NALCN: variants seen among roughly 807,000 people sequenced by gnomAD.
NALCN encodes the protein sodium leak channel NALCN.
Under a neutral mutation model 225.3 loss-of-function variants are expected in NALCN, and 111 were observed. The observed-to-expected ratio is 0.49, with a 90% confidence interval of 0.42 to 0.58. The LOEUF is 0.58. NALCN is among the 20% of genes least tolerant of loss of function. The probability of loss-of-function intolerance (pLI) is 0.00; values close to 1 mark genes in which losing one functional copy is unlikely to be tolerated. For missense variants in NALCN, 1,378 were observed against 2,202.4 expected, an observed-to-expected ratio of 0.63 and a Z score of 7.49; for synonymous variants, 764 against 769.0, an observed-to-expected ratio of 0.99 and a Z score of 0.11.
chr13:101,085,566 A>G (rs180760008), intron 30 of NALCN, among the ~76,000 whole-genome samples: 5 of 152,292 alleles, frequency 3.3e-5, no homozygotes, highest in Admixed American at 3.3e-4. Context: ...TTCCCAACAC[A>G]AAACAGTGAT....
rs759523803 is a variant in NALCN at position 101,360,189 on chromosome 13, C to CCTCTCTCTCTCTCTCT, written c.645-14785_645-14770dup. On this transcript the variant is annotated intron_variant, in intron 6 of 43. Coordinates refer to ENST00000251127, the MANE Select transcript of NALCN (RefSeq NM_052867.4). ...CTCTTTCTTCCTCTCTTCCTCTCTT[C>CCTCTCTCTCTCTCTCT]CTCTCTCTCTCTCTCTCTCTCTCTC... is the stretch of plus-strand genomic sequence containing the variant. Among the ~76,000 whole-genome samples, 57 of 89,310 alleles carry CCTCTCTCTCTCTCTCT rather than the reference C, an allele frequency of 6.4e-4. 4 individuals carry two copies. Among genetic ancestry groups the CCTCTCTCTCTCTCTCT allele is most frequent in the Non-Finnish European group, 1.1e-3 (46 of 43,470 alleles). The allele number at this position is 89,310 out of a possible 152,430, so 58.6% of individuals were successfully genotyped here.
intron 18 of NALCN, 115 bp downstream of exon 18, chr13:101,124,493 C>T (rs2036135125): frequency 1.1e-6 from 1 of 884,544 alleles, no homozygotes; most frequent in Admixed American, 2.5e-5. Context: ...AAGCTACTTT[C>T]TGGCAGAAAG....
intron 13 of NALCN, among the ~76,000 whole-genome samples, chr13:101,207,342 G>A (rs191424612): frequency 6.6e-6 from 1 of 152,182 alleles, no homozygotes; most frequent in East Asian, 1.9e-4. Context: ...AGTTAAGGTT[G>A]TATTTCATAT....
chr13:101,060,537 C>T (rs1284590448), intron 41 of NALCN, among the ~76,000 whole-genome samples: 2 of 150,374 alleles, frequency 1.3e-5, no homozygotes, highest in South Asian at 2.1e-4. Flanking sequence ...GCGATCCTCC[C>T]GCCTCAGTTT....
chr13:101,287,818 G>A (rs1184456334), intron 9 of NALCN, among the ~76,000 whole-genome samples: 1 of 152,148 alleles, frequency 6.6e-6, no homozygotes, highest in African/African-American at 2.4e-5. Flanking sequence ...TTCTGGGATT[G>A]TTCCATTATA....
intron 6 of NALCN, among the ~76,000 whole-genome samples, chr13:101,362,786 G>C (rs928004053): frequency 2.0e-5 from 3 of 151,988 alleles, no homozygotes; most frequent in African/African-American, 7.2e-5. Flanking sequence ...AATTGGGAAG[G>C]AAGAAATAAA....
chr13:101,358,556 C>T (rs1364061455), intron 6 of NALCN, among the ~76,000 whole-genome samples: 1 of 151,948 alleles, frequency 6.6e-6, no homozygotes, highest in East Asian at 1.9e-4. Flanking sequence ...TAAATGCTGG[C>T]GAGGATGTGG....
chr13:101,181,228 G>A (rs1225732498), intron 14 of NALCN: 1 of 518,936 alleles, frequency 1.9e-6, no homozygotes, highest in South Asian at 1.4e-5. Flanking sequence ...GGCCTGGTGA[G>A]TAAGTCTGGC....
chr13:101,069,556 G>A (rs1016934249), intron 37 of NALCN, among the ~76,000 whole-genome samples: 2 of 152,176 alleles, frequency 1.3e-5, no homozygotes, highest in African/African-American at 4.8e-5. Context: ...GGTGGCTGTG[G>A]CGATTTCTTA....
chr13:101,147,011 T>C (rs979025682), intron 15 of NALCN, among the ~76,000 whole-genome samples: 1 of 151,958 alleles, frequency 6.6e-6, no homozygotes, highest in African/African-American at 2.4e-5. Flanking sequence ...GTCAGAAGAG[T>C]TGACTTGGGG....
chr13:101,322,752 G>A (rs556282222), intron 7 of NALCN, among the ~76,000 whole-genome samples: 69 of 151,732 alleles, frequency 4.5e-4, no homozygotes, highest in African/African-American at 1.5e-3. Context: ...TCACTCTGTC[G>A]CCCAGGTTGA....
intron 37 of NALCN, among the ~76,000 whole-genome samples, chr13:101,072,544 T>C (rs1182923341): frequency 6.6e-6 from 1 of 152,342 alleles, no homozygotes; most frequent in African/African-American, 2.4e-5. Context: ...ATTCTGCTTG[T>C]ATTTTTATTT....
chr13:101,199,533 G>A (rs911057499), intron 13 of NALCN, among the ~76,000 whole-genome samples: 3 of 150,862 alleles, frequency 2.0e-5, no homozygotes, highest in African/African-American at 7.3e-5. Context: ...ATCATTCTCA[G>A]CAAACTATCG....
At chr13:101,162,309 C>A (rs1481607155) in intron 15 of NALCN, among the ~76,000 whole-genome samples, 1 of 152,194 alleles carries the variant, frequency 6.6e-6, no homozygotes, top group African/African-American at 2.4e-5. Context: ...TATTATTGTA[C>A]CTGGCCTAGC....
intron 39 of NALCN, 51 bp from the exon 40 acceptor site, chr13:101,065,612 C>A: frequency 6.4e-7 from 1 of 1,567,146 alleles, no homozygotes; most frequent in Non-Finnish European, 8.6e-7. Context: ...CGATGATTCA[C>A]TTGGGTTTCT....
intron 13 of NALCN, among the ~76,000 whole-genome samples, chr13:101,223,942 G>A (rs1241973328): frequency 6.6e-6 from 1 of 151,916 alleles, no homozygotes; most frequent in Admixed American, 6.6e-5. Flanking sequence ...CCTTCCTACA[G>A]CCAGGAGACT....
intron 13 of NALCN, among the ~76,000 whole-genome samples, chr13:101,226,990 C>T (rs966165484): frequency 2.6e-5 from 4 of 152,132 alleles, no homozygotes; most frequent in African/African-American, 7.2e-5. Flanking sequence ...GGAAAAGAGC[C>T]CTCCCTCCCC....
rs550537541 is a variant in NALCN, at chr13:101,311,873, A to C, written c.800-19507T>G. On this transcript the variant is annotated intron_variant, in intron 7 of 43. Coordinates refer to ENST00000251127, the MANE Select transcript of NALCN (RefSeq NM_052867.4). Reference sequence around the variant, plus strand: ...TTGGTATCAGGATGATGCTGGCCTCATAAAATGAGTTAGGGAGGATTCCCT... The same window carrying C: ...TTGGTATCAGGATGATGCTGGCCTCCTAAAATGAGTTAGGGAGGATTCCCT... Among the ~76,000 whole-genome samples, 1,322 of 152,228 alleles carry C rather than the reference A, an allele frequency of 8.7e-3. 9 individuals are homozygous for C. Among genetic ancestry groups the C allele is most frequent in the Non-Finnish European group, 0.013 (870 of 68,002 alleles).
intron 30 of NALCN, among the ~76,000 whole-genome samples, chr13:101,084,049 T>G (rs2033809033): frequency 6.6e-6 from 1 of 152,172 alleles, no homozygotes; most frequent in Non-Finnish European, 1.5e-5. Context: ...TTTGGAGATG[T>G]GTAATATTCA....
Sources: allele counts gnomAD v4.1 joint callset (sites outside exome capture counted in the v4.1 genomes callset), GRCh38; gene constraint gnomAD v4.1.1; transcripts MANE v1.5; gene names NCBI Gene and HGNC (gene_info 2026-07-23, HGNC 2026-07-21).